INPP5A: variants seen among roughly 807,000 people sequenced by gnomAD.
INPP5A encodes the protein inositol polyphosphate-5-phosphatase A, also known as 43 kDa inositol polyphosphate 5-phophatase.
A neutral mutation model predicts 65.2 loss-of-function variants in INPP5A; 14 were observed. The ratio of observed to expected loss-of-function variants is 0.21; its 90% confidence interval spans 0.14 to 0.34. INPP5A has a LOEUF of 0.34. Ranked by LOEUF, INPP5A falls within the 10% of genes least tolerant of loss-of-function variation. The pLI is 1.00. For missense variants in INPP5A, 431 were observed against 545.6 expected (o/e 0.79, Z 2.09); for synonymous variants, 207 against 208.3 (o/e 0.99, Z 0.05).
In INPP5A at chr10:132,547,257, G is replaced by A. The variant is rs536149316; in HGVS notation, c.75+9086G>A. Among the ~76,000 whole-genome samples the A allele has an allele frequency of 2.6e-5, 4 of 152,340 alleles. No homozygotes were observed. The highest frequency in any genetic ancestry group is 4.1e-4 in the South Asian group (2 of 4,830). On this transcript the variant is annotated intron_variant, in intron 1 of 15. Transcript: ENST00000368594. This position sits in a 1 kb window ranked among gnomAD's most constrained non-coding sequence, Gnocchi z 5.5. ...GTGGCTCAGGGTGGTCAGGGAGGGC[G>A]TGGCTGTCACATGGTTTCTGGACTG...
intron 9 of INPP5A, among the ~76,000 whole-genome samples, chr10:132,738,842 C>T (rs1001468171): frequency 6.6e-6 from 1 of 152,232 alleles, no homozygotes; most frequent in Non-Finnish European, 1.5e-5. Context: ...TCACTGGCTG[C>T]ATTTCTGCAC....
chr10:132,693,943 A>G (rs548392055), intron 5 of INPP5A, among the ~76,000 whole-genome samples: 1 of 152,236 alleles, frequency 6.6e-6, no homozygotes, highest in East Asian at 1.9e-4. Context: ...AGAGACTTCA[A>G]CACCCTGTAT....
intron 2 of INPP5A, among the ~76,000 whole-genome samples, chr10:132,636,566 T>C (rs930578181): frequency 1.3e-5 from 2 of 152,218 alleles, no homozygotes; most frequent in Non-Finnish European, 2.9e-5. Context: ...AAATCGAGGT[T>C]GTGGACGCAC....
intron 5 of INPP5A, among the ~76,000 whole-genome samples, chr10:132,694,047 G>C (rs1276965957): frequency 6.6e-6 from 1 of 152,152 alleles, no homozygotes; most frequent in Non-Finnish European, 1.5e-5. Flanking sequence ...GACACTTATA[G>C]GATACCTCAT....
In INPP5A at chr10:132,610,734, C is replaced by T. The variant is rs547790903; in HGVS notation, c.117+2778C>T. On this transcript the variant is annotated intron_variant, in intron 2 of 15. Transcript: ENST00000368594. ...CACAGGCTGGGCCGTGGCAGCTTCT[C>T]TGCTCTGCTCCTCACCATCCAGACA... Among the ~76,000 whole-genome samples, 18 of 152,382 alleles carry T rather than the reference C, an allele frequency of 1.2e-4. No individual in the cohort carries two copies. In the South Asian group the frequency reaches 3.3e-3, roughly 28 times the overall value.
chr10:132,542,951 C>T (rs1387610222), intron 1 of INPP5A, among the ~76,000 whole-genome samples: 3 of 152,134 alleles, frequency 2.0e-5, no homozygotes, highest in Non-Finnish European at 2.9e-5. Flanking sequence ...CACAGGTGCA[C>T]GCTACCACAC....
At chr10:132,654,420 C>T (rs1590898451) in intron 4 of INPP5A, among the ~76,000 whole-genome samples, 1 of 152,252 alleles carries the variant, frequency 6.6e-6, no homozygotes, top group East Asian at 1.9e-4. Context: ...TCCTCCCTGT[C>T]TTGTCACTGA....
intron 1 of INPP5A, among the ~76,000 whole-genome samples, chr10:132,606,984 C>G (rs902363542): frequency 4.6e-5 from 7 of 152,212 alleles, no homozygotes; most frequent in African/African-American, 1.7e-4. Context: ...GATGCTGACT[C>G]TGTCCCCTCA....
Position 132,697,707 on chromosome 10 carries a change from C to G in INPP5A, c.371-109C>G. On this transcript the variant is annotated intron_variant, in intron 5 of 15. Coordinates refer to ENST00000368594, the MANE Select transcript of INPP5A (RefSeq NM_005539.5). The surrounding 1 kb of genome is among the most constrained non-coding windows in gnomAD (Gnocchi z 5.6). ...TCATCAGGGCCTCCTCTCGGGGGGC[C>G]TCTCTGGCTCCCATCGGGCTGAAGT... is the stretch of plus-strand genomic sequence containing the variant. The G allele has an allele frequency of 1.3e-6, 1 of 750,902 alleles. No individual in the cohort carries two copies. Among genetic ancestry groups the G allele is most frequent in the Non-Finnish European group, 2.3e-6 (1 of 437,058 alleles). 46.5% of individuals were successfully genotyped at this position (750,902 alleles called of 1,614,324 possible).
intron 2 of INPP5A, among the ~76,000 whole-genome samples, chr10:132,621,624 T>C (rs1291422230): frequency 6.6e-6 from 1 of 152,172 alleles, no homozygotes. Context: ...GGTAGAGGAA[T>C]AATCACTTAT....
At chr10:132,769,905 G>T (rs545164358) in intron 12 of INPP5A, among the ~76,000 whole-genome samples, 1 of 152,148 alleles carries the variant, frequency 6.6e-6, no homozygotes, top group African/African-American at 2.4e-5. Context: ...GCCTTTTTGC[G>T]CATCCTAGCT....
chr10:132,714,681 G>C (rs901607458), intron 8 of INPP5A, among the ~76,000 whole-genome samples: 11 of 151,992 alleles, frequency 7.2e-5, no homozygotes, highest in African/African-American at 2.7e-4. Flanking sequence ...CCTTCGCACC[G>C]TTGCTCTAAA....
intron 6 of INPP5A, 41 bp from the exon 7 acceptor site, chr10:132,708,272 C>T (rs749911870): frequency 9.4e-6 from 15 of 1,600,312 alleles, no homozygotes; most frequent in Non-Finnish European, 1.2e-5. Context: ...TGCTCTTGCT[C>T]ACTTACTCTG....
chr10:132,687,340 C>T (rs59226150), intron 4 of INPP5A, among the ~76,000 whole-genome samples: 2 of 152,214 alleles, frequency 1.3e-5, no homozygotes, highest in Admixed American at 6.5e-5. Context: ...GCGGGTCAGT[C>T]GAGCAGTGTC....
chr10:132,727,642 G>C lies in INPP5A; in HGVS notation c.732+737G>C, dbSNP rs1846009394. Among the ~76,000 whole-genome samples the C allele has an allele frequency of 6.6e-6, 1 of 152,182 alleles. No homozygotes were observed. The stretch of plus-strand genomic sequence containing the variant: ...GGCAGCTGTGAAGAGGGGGGTGTGG[G>C]AAATGGTGGAGCACCTGTTGCCCAC... On this transcript the variant is annotated intron_variant, in intron 9 of 15. Transcript: ENST00000368594. The surrounding 1 kb of genome is among the most constrained non-coding windows in gnomAD (Gnocchi z 6.5).
At position 132,782,217 on chromosome 10, in the gene INPP5A, C is replaced by T. The variant is rs527490444; in HGVS notation, c.*188C>T. 2.3e-4 allele frequency: 163 copies of T among 707,524 alleles called. No homozygotes were observed. The African/African-American group carries it at 2.9e-3, about 13-fold the overall frequency. 43.8% of individuals were successfully genotyped at this position (707,524 alleles called of 1,614,324 possible). A position where few individuals can be genotyped will look rare whatever the true frequency, so the allele number is the denominator to read the frequency against. Reference sequence around the variant, plus strand: ...AGCAGCCTCACATACCTCACTGTCTCGTCTGTCTATGTGACATTAAGTAGA... The same window carrying T: ...AGCAGCCTCACATACCTCACTGTCTTGTCTGTCTATGTGACATTAAGTAGA... On this transcript the variant is annotated 3_prime_UTR_variant, in exon 16 of 16. Transcript: ENST00000368594. The surrounding 1 kb of genome is among the most constrained non-coding windows in gnomAD (Gnocchi z 4.4).
chr10:132,572,822 CCCTT>C (rs2071362794), intron 1 of INPP5A, among the ~76,000 whole-genome samples: 1 of 152,188 alleles, frequency 6.6e-6, no homozygotes, highest in Non-Finnish European at 1.5e-5. Context: ...TGGAGTGTTT[CCCTT>C]GCTCTGCTGA....
chr10:132,732,191 T>G (rs745627750), intron 9 of INPP5A, among the ~76,000 whole-genome samples: 5 of 152,326 alleles, frequency 3.3e-5, no homozygotes, highest in Middle Eastern at 3.4e-3. Flanking sequence ...CAGACGTGGG[T>G]CTTACTGTTC....
At chr10:132,774,418 G>A (rs1229134924) in intron 12 of INPP5A, among the ~76,000 whole-genome samples, 6 of 152,092 alleles carry the variant, frequency 3.9e-5, no homozygotes, top group African/African-American at 7.2e-5. Flanking sequence ...TCACCCTGAC[G>A]CCCACCTGGA....
Sources: allele counts gnomAD v4.1 joint callset (sites outside exome capture counted in the v4.1 genomes callset), GRCh38; gene constraint gnomAD v4.1.1; non-coding constraint Gnocchi (gnomAD v3.1); transcripts MANE v1.5; gene names NCBI Gene and HGNC (gene_info 2026-07-23, HGNC 2026-07-21).